The following GALNT11 variants were observed in gnomAD, a reference collection of about 807,000 sequenced individuals.
GALNT11 encodes the protein polypeptide N-acetylgalactosaminyltransferase 11.
In GALNT11, 47 loss-of-function variants were observed where a neutral mutation model predicts 72.7. The ratio of observed to expected loss-of-function variants is 0.65; its 90% CI spans 0.51 to 0.82. The LOEUF (loss-of-function observed/expected upper bound fraction) is 0.82, where lower values mean the gene tolerates loss of function less well. GALNT11 is among the 40% of genes least tolerant of loss of function. The pLI is 0.00. For synonymous variants in GALNT11, 270 were observed against 286.6 expected, an observed-to-expected ratio of 0.94 and a Z score of 0.58; for missense variants, 677 against 778.4, an observed-to-expected ratio of 0.87 and a Z score of 1.55.
chr7:152,039,298 T>C (rs1261806887), intron 1 of GALNT11, among the ~76,000 whole-genome samples: 4 of 152,196 alleles, frequency 2.6e-5, no homozygotes, highest in South Asian at 2.1e-4. Context: ...TATTTATAAA[T>C]AGGTTTTTGA....
chr7:152,032,237 C>T (rs1417584630), intron 1 of GALNT11, among the ~76,000 whole-genome samples: 2 of 152,170 alleles, frequency 1.3e-5, no homozygotes, highest in Non-Finnish European at 2.9e-5. Flanking sequence ...CAGATGAGGG[C>T]TATCCCTAAA....
chr7:152,035,081 C>T (rs559207512), intron 1 of GALNT11, among the ~76,000 whole-genome samples: 90 of 152,168 alleles, frequency 5.9e-4, no homozygotes, highest in Middle Eastern at 3.4e-3. Flanking sequence ...CCTTTTTGTC[C>T]GCACTTATAT....
At chr7:152,049,402 G>A (rs1028152102) in intron 1 of GALNT11, among the ~76,000 whole-genome samples, 1 of 152,216 alleles carries the variant, frequency 6.6e-6, no homozygotes, top group Non-Finnish European at 1.5e-5. Flanking sequence ...GCACTGCCTT[G>A]ATGGTCTTAG....
At chr7:152,087,044 CAAATATTTATT>C (rs1037830167) in intron 1 of GALNT11, among the ~76,000 whole-genome samples, 1 of 152,226 alleles carries the variant, frequency 6.6e-6, no homozygotes, top group African/African-American at 2.4e-5. Flanking sequence ...CATTTATTAA[CAAATATTTATT>C]AAATTGTTGC....
intron 3 of GALNT11, among the ~76,000 whole-genome samples, chr7:152,102,262 G>A (rs184666095): frequency 4.1e-4 from 63 of 152,182 alleles, no homozygotes; most frequent in African/African-American, 1.4e-3. Context: ...GTCTTTATTC[G>A]GCTGGACATG....
chr7:152,044,135 A>G (rs2083005274), intron 1 of GALNT11, among the ~76,000 whole-genome samples: 1 of 152,226 alleles, frequency 6.6e-6, no homozygotes, highest in Admixed American at 6.5e-5. Context: ...GTGGAATGGG[A>G]AATCAGGGGT....
At chr7:152,055,972 C>A (rs1163344673) in intron 1 of GALNT11, among the ~76,000 whole-genome samples, 1 of 152,126 alleles carries the variant, frequency 6.6e-6, no homozygotes, top group African/African-American at 2.4e-5. Context: ...CTACACCCAT[C>A]TTCCCCCTTC....
rs552088532 is a variant in GALNT11 at position 152,080,339 on chromosome 7, T to G, written c.-38-13851T>G. ...TTAAAGTATTTAATCTTTTCCATAG[T>G]TGTTCTTATATTTTCAAGTTAGGGA... On this transcript the variant is annotated intron_variant, in intron 1 of 11. Transcript: ENST00000430044. 1.1e-3 allele frequency among the ~76,000 whole-genome samples: 171 copies of G among 152,330 alleles called. 2 individuals carry two copies. The highest frequency in any genetic ancestry group is 4.0e-3 in the African/African-American group (166 of 41,580).
chr7:152,085,269 C>T lies in GALNT11; in HGVS notation c.-38-8921C>T, dbSNP rs763426529. 4.7e-4 allele frequency among the ~76,000 whole-genome samples: 71 copies of T among 152,174 alleles called. 1 individual carries two copies. Among genetic ancestry groups the T allele is most frequent in the Admixed American group, 3.8e-3 (58 of 15,270 alleles). On this transcript the variant is annotated intron_variant, in intron 1 of 11. Coordinates refer to ENST00000430044, the MANE Select transcript of GALNT11 (RefSeq NM_022087.4). The stretch of plus-strand genomic sequence containing the variant: ...CTACCAGACCATGACTGAAGAAAAA[C>T]GTAAAACCATAGTGACTTGTCTCAC...
chr7:152,053,166 C>T (rs1346725049), intron 1 of GALNT11, among the ~76,000 whole-genome samples: 2 of 152,194 alleles, frequency 1.3e-5, no homozygotes, highest in South Asian at 2.1e-4. Context: ...GAATTTTCTC[C>T]CTAAGATATA....
intron 1 of GALNT11, among the ~76,000 whole-genome samples, chr7:152,061,359 A>G (rs926489481): frequency 4.6e-5 from 7 of 152,094 alleles, no homozygotes; most frequent in Non-Finnish European, 7.3e-5. Flanking sequence ...AGTTATTTGT[A>G]GATTCTAGAT....
At chr7:152,028,140 G>C (rs2082123094) in intron 1 of GALNT11, among the ~76,000 whole-genome samples, 2 of 152,210 alleles carry the variant, frequency 1.3e-5, no homozygotes, top group African/African-American at 4.8e-5. Flanking sequence ...AAAGAGCAAA[G>C]CTTCCACAGC....
At chr7:152,036,567 CTT>C (rs1338345419) in intron 1 of GALNT11, among the ~76,000 whole-genome samples, 1 of 152,168 alleles carries the variant, frequency 6.6e-6, no homozygotes, top group Non-Finnish European at 1.5e-5. Context: ...CTGCAGACCT[CTT>C]TGGTATACTG....
At chr7:152,028,534 T>C (rs12703189) in intron 1 of GALNT11, among the ~76,000 whole-genome samples, 7,882 of 152,176 alleles carry the variant, frequency 0.052, 351 homozygotes, top group East Asian at 0.2. Flanking sequence ...CCTACCCGAT[T>C]AGCTAGACAC....
chr7:152,058,764 C>T (rs1410631153), intron 1 of GALNT11, among the ~76,000 whole-genome samples: 1 of 152,184 alleles, frequency 6.6e-6, no homozygotes, highest in African/African-American at 2.4e-5. Flanking sequence ...AGAGTCAATC[C>T]TCTAAAACCC....
chr7:152,083,976 G>A (rs546041859), intron 1 of GALNT11, among the ~76,000 whole-genome samples: 6 of 152,222 alleles, frequency 3.9e-5, no homozygotes, highest in East Asian at 1.9e-4. Context: ...GAGACTTTTT[G>A]TGGGGGAGGT....
chr7:152,038,691 G>A (rs1190185004), intron 1 of GALNT11, among the ~76,000 whole-genome samples: 2 of 152,190 alleles, frequency 1.3e-5, no homozygotes, highest in African/African-American at 4.8e-5. Flanking sequence ...CAGGAGTCAG[G>A]ATCCACATCT....
intron 1 of GALNT11, among the ~76,000 whole-genome samples, chr7:152,031,397 G>A (rs573019443): frequency 2.0e-4 from 30 of 152,294 alleles, no homozygotes; most frequent in East Asian, 1.3e-3. Flanking sequence ...TGAGGGCCAC[G>A]CATGTATGTA....
chr7:152,118,287 G>C lies in GALNT11; in HGVS notation c.1453-391G>C, dbSNP rs2129075220. The C allele has an allele frequency of 5.5e-5, 12 of 220,066 alleles. No homozygotes were observed. The South Asian group carries it at 7.0e-4, about 13-fold the overall frequency. 13.6% of individuals were successfully genotyped at this position (220,066 alleles called of 1,614,324 possible). ...TAGTTGTCACCGGTGTCTCTCCAGT[G>C]TAGCATGCATATTGCATTTCATTGT... On this transcript the variant is annotated intron_variant, in intron 9 of 11. Transcript: ENST00000430044.
Sources: allele counts gnomAD v4.1 joint callset (sites outside exome capture counted in the v4.1 genomes callset), GRCh38; gene constraint gnomAD v4.1.1; transcripts MANE v1.5; gene names NCBI Gene and HGNC (gene_info 2026-07-23, HGNC 2026-07-21).